PXDNL: variants seen among roughly 807,000 people sequenced by gnomAD.
PXDNL encodes peroxidasin like.
PXDNL carries 145 observed loss-of-function variants against 150.8 expected under a neutral mutation model. That is an observed-to-expected ratio of 0.96 (90% CI 0.84 to 1.10). The LOEUF (loss-of-function observed/expected upper bound fraction) is 1.10, where lower values mean the gene tolerates loss of function less well. PXDNL is among the 50% of genes least tolerant of loss of function. The pLI is 0.00. For synonymous variants in PXDNL, 757 were observed against 725.7 expected (o/e 1.04, Z -0.69); for missense variants, 2,087 against 1,873.9 (o/e 1.11, Z -2.10).
At chr8:51,755,802 T>C (rs1405409844) in intron 1 of PXDNL, among the ~76,000 whole-genome samples, 1 of 152,210 alleles carries the variant, frequency 6.6e-6, no homozygotes, top group Non-Finnish European at 1.5e-5. Flanking sequence ...TTAGGGCATC[T>C]TTCTTGAGTC....
chr8:51,796,138 C>T (rs1405386835), intron 1 of PXDNL, among the ~76,000 whole-genome samples: 2 of 152,022 alleles, frequency 1.3e-5, no homozygotes, highest in Non-Finnish European at 2.9e-5. Context: ...TAATATTTTT[C>T]CCACCAGCCT....
At chr8:51,403,191 T>C (rs1808321474) in intron 17 of PXDNL, among the ~76,000 whole-genome samples, 1 of 151,730 alleles carries the variant, frequency 6.6e-6, no homozygotes, top group South Asian at 2.1e-4. Context: ...TTTCATATGA[T>C]CCTGGAATAA....
intron 3 of PXDNL, among the ~76,000 whole-genome samples, chr8:51,589,452 G>C (rs7816412): frequency 0.078 from 11,829 of 152,212 alleles, 764 homozygotes; most frequent in East Asian, 0.24. Flanking sequence ...AGAATCTGTA[G>C]AAAAGGTATG....
At chr8:51,476,925 C>T (rs1023173432) in intron 6 of PXDNL, among the ~76,000 whole-genome samples, 1 of 152,080 alleles carries the variant, frequency 6.6e-6, no homozygotes, top group Non-Finnish European at 1.5e-5. Flanking sequence ...ACAAAAAGTC[C>T]TTACAAACAT....
chr8:51,726,684 C>T (rs759948012), intron 1 of PXDNL, among the ~76,000 whole-genome samples: 8 of 152,126 alleles, frequency 5.3e-5, no homozygotes, highest in Middle Eastern at 3.2e-3. Context: ...CAAGGCTTCA[C>T]CTAAAATAAA....
intron 1 of PXDNL, among the ~76,000 whole-genome samples, chr8:51,702,340 C>T (rs1816274083): frequency 6.6e-6 from 1 of 152,094 alleles, no homozygotes; most frequent in African/African-American, 2.4e-5. Flanking sequence ...CGTGACTCTT[C>T]CACATCAGAG....
chr8:51,598,463 G>A lies in PXDNL; in HGVS notation c.237-5765C>T, dbSNP rs529288230. On this transcript the variant is annotated intron_variant, in intron 2 of 22. Coordinates refer to ENST00000356297, the MANE Select transcript of PXDNL (RefSeq NM_144651.5). Reference sequence around the variant, plus strand: ...GAAGGGACGTTGAATTTCATCAAAAGCTCTTTCTGCATTTATTAAGATTAT... The same window carrying A: ...GAAGGGACGTTGAATTTCATCAAAAACTCTTTCTGCATTTATTAAGATTAT... 1.1e-4 allele frequency among the ~76,000 whole-genome samples: 16 copies of A among 152,172 alleles called. No individual in the cohort carries two copies. The East Asian group carries it at 2.7e-3, about 26-fold the overall frequency.
chr8:51,397,574 T>C (rs1290552144), intron 17 of PXDNL, among the ~76,000 whole-genome samples: 3 of 152,174 alleles, frequency 2.0e-5, no homozygotes, highest in South Asian at 2.1e-4. Context: ...GTTGCACACA[T>C]AAATAGTTGC....
chr8:51,505,343 G>A (rs867270059), intron 4 of PXDNL, among the ~76,000 whole-genome samples: 1 of 125,360 alleles, frequency 8.0e-6, no homozygotes, highest in Non-Finnish European at 1.7e-5. Flanking sequence ...TGGTATCGCT[G>A]GTATCGCTTT....
intron 8 of PXDNL, among the ~76,000 whole-genome samples, chr8:51,469,918 C>T (rs571425005): frequency 2.6e-5 from 4 of 151,992 alleles, no homozygotes; most frequent in African/African-American, 4.8e-5. Flanking sequence ...TTTACCCATA[C>T]TTTTCTTTAT....
intron 2 of PXDNL, among the ~76,000 whole-genome samples, chr8:51,652,402 CTCTT>C (rs1158694303): frequency 8.6e-5 from 13 of 151,082 alleles, no homozygotes; most frequent in East Asian, 3.9e-4. Context: ...CTCTCTCTCT[CTCTT>C]ACTGTCTGTC....
intron 19 of PXDNL, among the ~76,000 whole-genome samples, chr8:51,358,485 A>G (rs527647946): frequency 6.6e-6 from 1 of 152,290 alleles, no homozygotes; most frequent in South Asian, 2.1e-4. Context: ...TAAAAAAATG[A>G]TTAAACAGGG....
chr8:51,690,168 T>G (rs1031555076), intron 1 of PXDNL, among the ~76,000 whole-genome samples: 3 of 152,208 alleles, frequency 2.0e-5, no homozygotes, highest in Non-Finnish European at 4.4e-5. Context: ...TTTTTCTTTT[T>G]TTGTTGTTAT....
Position 51,465,644 on chromosome 8 carries a change from T to C in PXDNL, c.812+6543A>G, listed in dbSNP as rs140784952. ...TTGCTGATAATATGATTCTATACCATGAAAACCCTACACTCCACCAAAGCC... is the reference window on the plus strand; with the variant it reads ...TTGCTGATAATATGATTCTATACCACGAAAACCCTACACTCCACCAAAGCC... On this transcript the variant is annotated intron_variant, in intron 8 of 22. Transcript: ENST00000356297. 6.4e-3 allele frequency among the ~76,000 whole-genome samples: 968 copies of C among 152,154 alleles called. 10 individuals carry two copies. The highest frequency in any genetic ancestry group is 0.022 in the African/African-American group (914 of 41,532).
intron 17 of PXDNL, among the ~76,000 whole-genome samples, chr8:51,395,968 T>C (rs1026603402): frequency 6.6e-6 from 1 of 152,230 alleles, no homozygotes; most frequent in African/African-American, 2.4e-5. Flanking sequence ...TTCTTGTTTT[T>C]CTAAAGGAAG....
At chr8:51,804,401 G>A (rs1201858057) in intron 1 of PXDNL, among the ~76,000 whole-genome samples, 2 of 152,062 alleles carry the variant, frequency 1.3e-5, no homozygotes, top group Admixed American at 6.6e-5. Flanking sequence ...GGGGACCCAA[G>A]ATTTATTTTG....
chr8:51,415,254 AT>A (rs1315228947), intron 14 of PXDNL, among the ~76,000 whole-genome samples: 11 of 152,216 alleles, frequency 7.2e-5, no homozygotes, highest in African/African-American at 2.7e-4. Context: ...GTATGGGTGT[AT>A]TAGTCTGTTC....
chr8:51,592,014 A>G (rs1052775299), intron 3 of PXDNL, among the ~76,000 whole-genome samples: 5 of 152,194 alleles, frequency 3.3e-5, no homozygotes, highest in African/African-American at 4.8e-5. Flanking sequence ...CCTCCAACAT[A>G]ACCATATCCA....
At chr8:51,525,193 C>A (rs998813632) in intron 4 of PXDNL, among the ~76,000 whole-genome samples, 1 of 152,148 alleles carries the variant, frequency 6.6e-6, no homozygotes, top group South Asian at 2.1e-4. Flanking sequence ...GAAAGCTCTG[C>A]AAAGCCTTAT....
Sources: gnomAD v4.1 joint callset for allele counts (sites outside exome capture counted in the v4.1 genomes callset) on GRCh38, gnomAD v4.1.1 for gene constraint, MANE v1.5 for transcripts, NCBI Gene and HGNC (gene_info 2026-07-23, HGNC 2026-07-21) for gene names.